Variants in DSCAML1 observed in about 807,000 individuals in gnomAD.
DSCAML1 encodes the protein DS cell adhesion molecule like 1, also known as cell adhesion molecule DSCAML1.
Under a neutral mutation model 200.5 loss-of-function variants are expected in DSCAML1, and 38 were observed. That is an observed-to-expected ratio of 0.19 (90% CI 0.15 to 0.25). The LOEUF (loss-of-function observed/expected upper bound fraction) is 0.25. DSCAML1 is among the 10% of genes least tolerant of loss of function. The pLI is 1.00. For synonymous variants in DSCAML1, 1,215 were observed against 1,165.0 expected, an observed-to-expected ratio of 1.04 and a Z score of -0.87; for missense variants, 2,223 against 2,858.8, an observed-to-expected ratio of 0.78 and a Z score of 5.07.
At chr11:117,719,355 A>C (rs996604470) in intron 3 of DSCAML1, among the ~76,000 whole-genome samples, 4 of 152,194 alleles carry the variant, frequency 2.6e-5, no homozygotes, top group African/African-American at 7.2e-5. Flanking sequence ...GAGGCAGGAG[A>C]ATCACTTGAA....
chr11:117,649,782 T>C, intron 3 of DSCAML1, among the ~76,000 whole-genome samples: 1 of 152,274 alleles, frequency 6.6e-6, no homozygotes, highest in Non-Finnish European at 1.5e-5. Flanking sequence ...TTTCTGGACC[T>C]ATCCGTAGGT....
rs79316138 is a variant in DSCAML1 at position 117,718,671 on chromosome 11, C to G, written c.511+58120G>C. ...ACACACAAGATGAATACTCAAAACC[C>G]CCCCCCCCCCCCATCATATGAGACC... is the stretch of plus-strand genomic sequence containing the variant. On this transcript the variant is annotated intron_variant, in intron 3 of 32. Transcript: ENST00000651296. Among the ~76,000 whole-genome samples, 289 of 53,328 alleles carry G rather than the reference C, an allele frequency of 5.4e-3. 32 individuals are homozygous for G. The highest frequency in any genetic ancestry group is 0.018 in the African/African-American group (258 of 14,454). 35.0% of individuals were successfully genotyped at this position (53,328 alleles called of 152,430 possible).
chr11:117,574,989 G>A (rs1042307590), intron 3 of DSCAML1, among the ~76,000 whole-genome samples: 5 of 151,938 alleles, frequency 3.3e-5, no homozygotes, highest in South Asian at 2.1e-4. Flanking sequence ...TCAGGAGTTC[G>A]AGACCAGCCT....
At chr11:117,555,949 G>C (rs965498298) in intron 3 of DSCAML1, among the ~76,000 whole-genome samples, 1 of 151,878 alleles carries the variant, frequency 6.6e-6, no homozygotes, top group African/African-American at 2.4e-5. Context: ...CTTGAGGAGG[G>C]GCGGGGGAGG....
chr11:117,563,697 T>G (rs2050704311), intron 3 of DSCAML1, among the ~76,000 whole-genome samples: 1 of 152,152 alleles, frequency 6.6e-6, no homozygotes, highest in Non-Finnish European at 1.5e-5. Flanking sequence ...AGACGAGAAC[T>G]ATTATAATGG....
intron 3 of DSCAML1, among the ~76,000 whole-genome samples, chr11:117,645,570 A>AT (rs2052505135): frequency 6.6e-6 from 1 of 152,162 alleles, no homozygotes; most frequent in Non-Finnish European, 1.5e-5. Context: ...CTATGCAGCC[A>AT]TAAAAAATGA....
At chr11:117,474,921 A>AT (rs773193575) in intron 14 of DSCAML1, among the ~76,000 whole-genome samples, 40 of 151,658 alleles carry the variant, frequency 2.6e-4, no homozygotes, top group South Asian at 4.2e-4. Context: ...CACCCAGATA[A>AT]TTTTTTTGTA....
intron 3 of DSCAML1, among the ~76,000 whole-genome samples, chr11:117,625,695 C>G (rs1565834390): frequency 6.6e-6 from 1 of 152,162 alleles, no homozygotes; most frequent in Admixed American, 6.5e-5. Flanking sequence ...ATCTCTGTAT[C>G]AGACTTTGCA....
chr11:117,539,703 A>G (rs528140169), intron 3 of DSCAML1, among the ~76,000 whole-genome samples: 5 of 151,680 alleles, frequency 3.3e-5, no homozygotes, highest in African/African-American at 9.7e-5. Flanking sequence ...AAAAGTCAAG[A>G]TTAAGTAGTG....
intron 3 of DSCAML1, among the ~76,000 whole-genome samples, chr11:117,534,521 C>T (rs777036615): frequency 7.2e-5 from 11 of 152,230 alleles, no homozygotes; most frequent in Non-Finnish European, 2.9e-5. Flanking sequence ...AGCCGAAACC[C>T]GTGTTCCTGA....
chr11:117,669,351 G>A (rs375749646), intron 3 of DSCAML1, among the ~76,000 whole-genome samples: 4 of 152,208 alleles, frequency 2.6e-5, no homozygotes, highest in Admixed American at 2.0e-4. Flanking sequence ...TCTGCCTCAC[G>A]TTGCCAGTGG....
chr11:117,687,165 G>A (rs1202215964), intron 3 of DSCAML1, among the ~76,000 whole-genome samples: 2 of 152,206 alleles, frequency 1.3e-5, no homozygotes, highest in Admixed American at 1.3e-4. Context: ...GCCAGAGCGG[G>A]AGGAGGCAAG....
chr11:117,550,440 G>A (rs2050447890), intron 3 of DSCAML1, among the ~76,000 whole-genome samples: 1 of 126,226 alleles, frequency 7.9e-6, no homozygotes, highest in Admixed American at 7.3e-5. Flanking sequence ...TGGCCTGAAA[G>A]CCCAGTGTCT....
chr11:117,523,576 G>C (rs2049918125), intron 5 of DSCAML1, among the ~76,000 whole-genome samples: 1 of 152,176 alleles, frequency 6.6e-6, no homozygotes, highest in African/African-American at 2.4e-5. Context: ...GCTCTTCCAG[G>C]CACTGTAGAT....
chr11:117,619,237 G>A lies in DSCAML1; in HGVS notation c.512-86715C>T, dbSNP rs1345441685. The stretch of plus-strand genomic sequence containing the variant: ...CAGGCTTTCTCTATCCAACCTGGTC[G>A]CTAGGAAACAGCCTTGCTACTGCAT... On this transcript the variant is annotated intron_variant, in intron 3 of 32. Transcript: ENST00000651296. Among the ~76,000 whole-genome samples the A allele has an allele frequency of 6.6e-5, 10 of 152,224 alleles. 1 individual carries two copies. Among genetic ancestry groups the A allele is most frequent in the Non-Finnish European group, 1.2e-4 (8 of 68,048 alleles).
At chr11:117,681,853 C>T (rs765460618) in intron 3 of DSCAML1, among the ~76,000 whole-genome samples, 9 of 152,172 alleles carry the variant, frequency 5.9e-5, no homozygotes, top group East Asian at 1.9e-4. Context: ...CTCCAGCCCC[C>T]GGGAGTCTCT....
chr11:117,759,168 G>A (rs1211086866), intron 3 of DSCAML1, among the ~76,000 whole-genome samples: 3 of 152,146 alleles, frequency 2.0e-5, no homozygotes, highest in Admixed American at 1.3e-4. Flanking sequence ...TCCCATCAAG[G>A]CTGTGAGTGG....
At position 117,504,306 on chromosome 11, in the gene DSCAML1, C is replaced by G. The variant is rs1205735917; in HGVS notation, c.2183-285G>C. 6.6e-6 allele frequency among the ~76,000 whole-genome samples: 1 copy of G among 152,116 alleles called. No individual in the cohort carries two copies. Among genetic ancestry groups the G allele is most frequent in the Non-Finnish European group, 1.5e-5 (1 of 68,026 alleles). ...GCATGGAGCTTCTTTGGGGTAAATTCCTTGGAGAGGAAGAAAGAGCTGTGT... is the reference window on the plus strand; with the variant it reads ...GCATGGAGCTTCTTTGGGGTAAATTGCTTGGAGAGGAAGAAAGAGCTGTGT... On this transcript the variant is annotated intron_variant, in intron 10 of 32. Transcript: ENST00000651296. This position sits in a 1 kb window ranked among gnomAD's most constrained non-coding sequence, Gnocchi z 5.0.
chr11:117,750,229 C>T (rs2054584543), intron 3 of DSCAML1, among the ~76,000 whole-genome samples: 1 of 152,186 alleles, frequency 6.6e-6, no homozygotes, highest in Admixed American at 6.5e-5. Flanking sequence ...GGACTCTGTC[C>T]CCAGCCTGCA....
Sources: gnomAD v4.1 joint callset for allele counts (sites outside exome capture counted in the v4.1 genomes callset) on GRCh38, gnomAD v4.1.1 for gene constraint, Gnocchi (gnomAD v3.1) non-coding constraint, MANE v1.5 for transcripts, NCBI Gene and HGNC (gene_info 2026-07-23, HGNC 2026-07-21) for gene names.